Variants in AGK observed in about 807,000 individuals in gnomAD.
AGK encodes acylglycerol kinase.
Under a neutral mutation model 66.4 loss-of-function variants are expected in AGK, and 52 were observed. The ratio of observed to expected loss-of-function variants is 0.78; its 90% CI spans 0.63 to 0.99. The LOEUF is 0.99. Among genes scored for constraint, AGK ranks in the 50% least tolerant of loss-of-function variants. The probability of loss-of-function intolerance (pLI) is 0.00; values close to 1 mark genes in which losing one functional copy is unlikely to be tolerated. For missense variants in AGK, 451 were observed against 506.6 expected (o/e 0.89, Z 1.05); for synonymous variants, 182 against 181.1 (o/e 1.00, Z -0.04).
In AGK at chr7:141,641,127, G is replaced by A. The variant is rs936922175; in HGVS notation, c.727-121G>A. 6.0e-6 allele frequency: 5 copies of A among 832,312 alleles called. No homozygotes were observed. In the East Asian group the frequency reaches 1.4e-4, roughly 23 times the overall value. The allele number at this position is 832,312 out of a possible 1,614,324, so 51.6% of individuals were successfully genotyped here. Reference sequence around the variant, plus strand: ...CAAACTAGCATTCCATCCAGTGAGAGGAGATTATTAGTTCACTTTCTAGCA... The same window carrying A: ...CAAACTAGCATTCCATCCAGTGAGAAGAGATTATTAGTTCACTTTCTAGCA... On this transcript the variant is annotated intron_variant, in intron 11 of 15. Coordinates refer to ENST00000649286, the MANE Select transcript of AGK (RefSeq NM_018238.4).
chr7:141,557,899 A>C (rs1795246462), intron 2 of AGK, among the ~76,000 whole-genome samples: 2 of 152,232 alleles, frequency 1.3e-5, no homozygotes, highest in South Asian at 4.1e-4. Context: ...GTAAATCTGC[A>C]GTTCGATGGT....
chr7:141,570,974 C>T (rs1562961041), intron 2 of AGK, among the ~76,000 whole-genome samples: 1 of 152,158 alleles, frequency 6.6e-6, no homozygotes, highest in Non-Finnish European at 1.5e-5. Flanking sequence ...TAGAATTTTT[C>T]ATACCCTCGA....
chr7:141,645,749 A>G (rs1797396674), intron 13 of AGK, among the ~76,000 whole-genome samples: 1 of 152,112 alleles, frequency 6.6e-6, no homozygotes, highest in East Asian at 1.9e-4. Flanking sequence ...TTCATGTTAA[A>G]TATCTTAGAT....
At chr7:141,643,603 A>C (rs1797338693) in intron 13 of AGK, among the ~76,000 whole-genome samples, 1 of 152,180 alleles carries the variant, frequency 6.6e-6, no homozygotes, top group South Asian at 2.1e-4. Context: ...GCAAAGGACT[A>C]ATATAAAAAG....
chr7:141,610,269 G>GAT lies in AGK; in HGVS notation c.298-915_298-914dup, dbSNP rs566237492. 9.8e-4 allele frequency among the ~76,000 whole-genome samples: 149 copies of GAT among 151,910 alleles called. 1 individual carries two copies. Among genetic ancestry groups the GAT allele is most frequent in the African/African-American group, 2.3e-3 (95 of 41,440 alleles). The stretch of plus-strand genomic sequence containing the variant: ...GGCGTGAGCCACCGCACCTGGCCCA[G>GAT]ATATATATATATTTTTATTATGCCA... On this transcript the variant is annotated intron_variant, in intron 5 of 15. Coordinates refer to ENST00000649286, the MANE Select transcript of AGK (RefSeq NM_018238.4).
At chr7:141,639,319 G>C (rs1341871596) in intron 11 of AGK, among the ~76,000 whole-genome samples, 3 of 152,180 alleles carry the variant, frequency 2.0e-5, no homozygotes, top group African/African-American at 7.2e-5. Flanking sequence ...AGGAGATAGG[G>C]AAGGCAAAAG....
At chr7:141,559,884 T>G (rs772198819) in intron 2 of AGK, among the ~76,000 whole-genome samples, 7 of 152,220 alleles carry the variant, frequency 4.6e-5, no homozygotes, top group Non-Finnish European at 1.0e-4. Flanking sequence ...CCTTTTCAGA[T>G]TGTTCATTCT....
intron 8 of AGK, chr7:141,615,777 G>C (rs1587131313): frequency 3.7e-6 from 2 of 547,568 alleles, no homozygotes; most frequent in East Asian, 6.2e-5. Flanking sequence ...GGTCAGGTAG[G>C]GAGGTGAATA....
At chr7:141,554,304 G>A (rs1442490573) in intron 1 of AGK, among the ~76,000 whole-genome samples, 1 of 149,928 alleles carries the variant, frequency 6.7e-6, no homozygotes, top group African/African-American at 2.5e-5. Flanking sequence ...TGTGCCACTG[G>A]ACTCCATCCT....
intron 13 of AGK, among the ~76,000 whole-genome samples, chr7:141,648,376 C>T (rs1797468383): frequency 6.6e-6 from 1 of 152,198 alleles, no homozygotes; most frequent in South Asian, 2.1e-4. Context: ...GTTCATGGTG[C>T]ATGACTGGCA....
intron 8 of AGK, 56 bp from the exon 9 acceptor site, chr7:141,621,676 G>A (rs1796828496): frequency 1.8e-6 from 2 of 1,138,672 alleles, no homozygotes; most frequent in Non-Finnish European, 2.7e-6. Flanking sequence ...GTGGCAGTGT[G>A]GTGGGGGAGA....
intron 13 of AGK, among the ~76,000 whole-genome samples, chr7:141,647,860 G>A (rs920194755): frequency 2.0e-5 from 3 of 152,092 alleles, no homozygotes; most frequent in Admixed American, 1.3e-4. Context: ...TAGTAGAGAC[G>A]GGGTTTCACC....
chr7:141,603,229 G>T (rs1796380252), intron 5 of AGK, among the ~76,000 whole-genome samples: 1 of 152,196 alleles, frequency 6.6e-6, no homozygotes, highest in East Asian at 1.9e-4. Context: ...TCAAGAGGGG[G>T]TATTAGAAAT....
At chr7:141,603,685 G>A (rs2080001894) in intron 5 of AGK, among the ~76,000 whole-genome samples, 1 of 151,964 alleles carries the variant, frequency 6.6e-6, no homozygotes, top group Admixed American at 6.6e-5. Context: ...GATTCCATTG[G>A]TCAGTAGTCT....
At chr7:141,606,817 GTTC>G (rs1261827536) in intron 5 of AGK, among the ~76,000 whole-genome samples, 1 of 152,062 alleles carries the variant, frequency 6.6e-6, no homozygotes, top group African/African-American at 2.4e-5. Context: ...AATCCTCTCT[GTTC>G]TTCTGCTGTA....
At position 141,575,654 on chromosome 7, in the gene AGK, C is replaced by CTTTTTTT. The variant is rs58292692; in HGVS notation, c.102-17469_102-17463dup. Among the ~76,000 whole-genome samples the CTTTTTTT allele has an allele frequency of 3.6e-4, 21 of 58,240 alleles. 3 individuals are homozygous for CTTTTTTT. The highest frequency in any genetic ancestry group is 4.6e-4 in the Non-Finnish European group (14 of 30,222). 38.2% of individuals were successfully genotyped at this position (58,240 alleles called of 152,430 possible). A position where few individuals can be genotyped will look rare whatever the true frequency, so the allele number is the denominator to read the frequency against. On this transcript the variant is annotated intron_variant, in intron 2 of 15. Coordinates refer to ENST00000649286, the MANE Select transcript of AGK (RefSeq NM_018238.4). ...GGGCTTAGATGCCTTTTACAAAGGC[C>CTTTTTTT]TTTTTTTTTTTTTTTTTTTTTTTTT...
intron 1 of AGK, among the ~76,000 whole-genome samples, chr7:141,553,541 A>G (rs898637749): frequency 1.3e-5 from 2 of 152,168 alleles, no homozygotes; most frequent in African/African-American, 4.8e-5. Flanking sequence ...TTGTGTTAGC[A>G]TTGTGGGTTT....
chr7:141,590,487 G>A (rs899959693), intron 2 of AGK, among the ~76,000 whole-genome samples: 7 of 152,146 alleles, frequency 4.6e-5, no homozygotes, highest in African/African-American at 7.2e-5. Flanking sequence ...TGGAAGCTGC[G>A]TTCCCAGGGC....
At chr7:141,623,204 A>G (rs1796861855) in intron 9 of AGK, among the ~76,000 whole-genome samples, 1 of 151,876 alleles carries the variant, frequency 6.6e-6, no homozygotes, top group Admixed American at 6.6e-5. Context: ...ACATGGAGAA[A>G]CCCCATCTCT....
Sources: gnomAD v4.1 joint callset for allele counts (sites outside exome capture counted in the v4.1 genomes callset) on GRCh38, gnomAD v4.1.1 for gene constraint, MANE v1.5 for transcripts, NCBI Gene and HGNC (gene_info 2026-07-23, HGNC 2026-07-21) for gene names.